Variants in CPA6 observed in about 807,000 individuals in gnomAD.
CPA6 encodes the protein carboxypeptidase B.
CPA6 carries 58 observed loss-of-function variants against 63.3 expected under a neutral mutation model. The ratio of observed to expected loss-of-function variants is 0.92; its 90% CI spans 0.74 to 1.14. The LOEUF is 1.14. Among genes scored for constraint, CPA6 ranks in the 50% most tolerant of loss-of-function variants. CPA6 has a pLI of 0.00. For synonymous variants in CPA6, 185 were observed against 179.0 expected, an observed-to-expected ratio of 1.03 and a Z score of -0.27; for missense variants, 565 against 526.6, an observed-to-expected ratio of 1.07 and a Z score of -0.71.
chr8:67,496,519 T>TTTTATATATA (rs1483713208), intron 6 of CPA6, among the ~76,000 whole-genome samples: 1 of 94,142 alleles, frequency 1.1e-5, no homozygotes, highest in African/African-American at 5.0e-5. Context: ...ACTATATAGT[T>TTTTATATATA]TATATATATA....
chr8:67,436,106 G>A (rs1264005141), intron 8 of CPA6, among the ~76,000 whole-genome samples: 1 of 152,054 alleles, frequency 6.6e-6, no homozygotes, highest in Non-Finnish European at 1.5e-5. Flanking sequence ...CCACTAAGCT[G>A]ACTAACAACT....
At chr8:67,687,298 C>T (rs1587702430) in intron 1 of CPA6, among the ~76,000 whole-genome samples, 1 of 152,236 alleles carries the variant, frequency 6.6e-6, no homozygotes, top group East Asian at 1.9e-4. Flanking sequence ...CCTTGAGATA[C>T]CTTGTTGCAG....
intron 1 of CPA6, among the ~76,000 whole-genome samples, chr8:67,674,918 A>G (rs1816436117): frequency 6.6e-6 from 1 of 152,210 alleles, no homozygotes; most frequent in South Asian, 2.1e-4. Flanking sequence ...AATTTACACC[A>G]GAACAGAAAA....
At chr8:67,484,928 C>T (rs1389425203) in intron 6 of CPA6, 139 bp from the exon 7 acceptor site, 8 of 505,240 alleles carry the variant, frequency 1.6e-5, no homozygotes, top group African/African-American at 2.3e-5. Context: ...GTTTAGTCTT[C>T]GACATTGTAA....
chr8:67,439,294 TAAAAG>T (rs1358507290), intron 8 of CPA6, among the ~76,000 whole-genome samples: 1 of 149,064 alleles, frequency 6.7e-6, no homozygotes, highest in African/African-American at 2.5e-5. Context: ...CCCTCTTTCT[TAAAAG>T]AAAAGAGGCT....
intron 8 of CPA6, among the ~76,000 whole-genome samples, chr8:67,437,138 G>C (rs554140264): frequency 2.0e-5 from 3 of 152,344 alleles, no homozygotes; most frequent in Non-Finnish European, 4.4e-5. Context: ...GCTTATGCTT[G>C]TAATCCCAGC....
intron 1 of CPA6, among the ~76,000 whole-genome samples, chr8:67,635,921 T>G (rs534875753): frequency 1.3e-5 from 2 of 151,550 alleles, no homozygotes; most frequent in East Asian, 3.9e-4. Context: ...GGGACCAGAG[T>G]AGATGACTGC....
At chr8:67,713,197 A>G (rs184245063) in intron 1 of CPA6, among the ~76,000 whole-genome samples, 10 of 146,226 alleles carry the variant, frequency 6.8e-5, no homozygotes, top group Admixed American at 3.5e-4. Flanking sequence ...TCTGGAACAT[A>G]TCCCCCGTGA....
chr8:67,583,714 C>T (rs1289234096), intron 2 of CPA6, among the ~76,000 whole-genome samples: 1 of 152,086 alleles, frequency 6.6e-6, no homozygotes, highest in Admixed American at 6.6e-5. Flanking sequence ...GGCGAAGATG[C>T]TAGCGATTGT....
Position 67,472,375 on chromosome 8 carries a change from TTTTTATTTTA to T in CPA6, c.838+11383_838+11392del, listed in dbSNP as rs1042918150. Among the ~76,000 whole-genome samples, 421 of 68,972 alleles carry T rather than the reference TTTTTATTTTA, an allele frequency of 6.1e-3. 2 individuals are homozygous for T. The highest frequency in any genetic ancestry group is 0.015 in the African/African-American group (289 of 19,288). The allele number at this position is 68,972 out of a possible 152,430, so 45.2% of individuals were successfully genotyped here. The stretch of plus-strand genomic sequence containing the variant: ...CTAAGTTATTTGTAAAAGATTTATT[TTTTTATTTTA>T]TTTTATTTTATTTTATTTTATCTTA... On this transcript the variant is annotated intron_variant, in intron 8 of 10. Transcript: ENST00000297770.
In CPA6 at chr8:67,713,244, T is replaced by A. The variant is rs558614073; in HGVS notation, c.116+32770A>T. Among the ~76,000 whole-genome samples, 13 of 150,954 alleles carry A rather than the reference T, an allele frequency of 8.6e-5. No homozygotes were observed. The South Asian group carries it at 2.7e-3, about 32-fold the overall frequency. ...CTACTGTACCTTTTGTCTATTATAA[T>A]GATCAGGATTTAATATTTTCAGACC... On this transcript the variant is annotated intron_variant, in intron 1 of 10. Transcript: ENST00000297770.
At chr8:67,659,859 G>A (rs1056911140) in intron 1 of CPA6, among the ~76,000 whole-genome samples, 4 of 152,102 alleles carry the variant, frequency 2.6e-5, no homozygotes, top group African/African-American at 7.2e-5. Context: ...TTTATAAAAC[G>A]TTGCCTATTC....
At chr8:67,511,683 A>G in intron 3 of CPA6, 28 bp from the exon 4 acceptor site, 3 of 1,342,090 alleles carry the variant, frequency 2.2e-6, no homozygotes, top group Non-Finnish European at 3.2e-6. Flanking sequence ...GACATGATGA[A>G]AAGTAAATTG....
intron 1 of CPA6, among the ~76,000 whole-genome samples, chr8:67,730,637 G>C (rs1001120720): frequency 2.6e-5 from 4 of 152,132 alleles, no homozygotes; most frequent in African/African-American, 9.7e-5. Context: ...CTATCCAGAA[G>C]CCCCCATCAC....
chr8:67,701,599 C>G (rs1317883506), intron 1 of CPA6, among the ~76,000 whole-genome samples: 1 of 152,140 alleles, frequency 6.6e-6, no homozygotes, highest in Non-Finnish European at 1.5e-5. Context: ...CTGCATCTAA[C>G]CTGACAGCCA....
chr8:67,692,379 T>A (rs1018928601), intron 1 of CPA6, among the ~76,000 whole-genome samples: 1 of 149,970 alleles, frequency 6.7e-6, no homozygotes, highest in African/African-American at 2.5e-5. Flanking sequence ...AACTTGAGTA[T>A]GAGGAAGGCA....
At chr8:67,580,165 C>T (rs1003483527) in intron 2 of CPA6, among the ~76,000 whole-genome samples, 1 of 152,202 alleles carries the variant, frequency 6.6e-6, no homozygotes, top group African/African-American at 2.4e-5. Context: ...GAGATCCCCT[C>T]CCACCATATG....
chr8:67,466,472 T>C (rs1810928261), intron 8 of CPA6, among the ~76,000 whole-genome samples: 1 of 152,186 alleles, frequency 6.6e-6, no homozygotes, highest in African/African-American at 2.4e-5. Context: ...AGTTCTGCTC[T>C]AATTTTAGAT....
chr8:67,571,290 A>G (rs1455062231), intron 2 of CPA6, among the ~76,000 whole-genome samples: 1 of 152,196 alleles, frequency 6.6e-6, no homozygotes, highest in Non-Finnish European at 1.5e-5. Context: ...TATAGAACAG[A>G]TCATGTAGAC....
Sources: gnomAD v4.1 joint callset for allele counts (sites outside exome capture counted in the v4.1 genomes callset) on GRCh38, gnomAD v4.1.1 for gene constraint, MANE v1.5 for transcripts, NCBI Gene and HGNC (gene_info 2026-07-23, HGNC 2026-07-21) for gene names.